BEST3: variants seen among roughly 807,000 people sequenced by gnomAD.
The protein encoded by BEST3 is bestrophin 3, also known as bestrophin-3.
A neutral mutation model predicts 47.1 loss-of-function variants in BEST3; 50 were observed. The observed-to-expected ratio is 1.06, with a 90% CI of 0.85 to 1.34. BEST3 has a LOEUF of 1.34. Among genes scored for constraint, BEST3 ranks in the 40% most tolerant of loss-of-function variants. The probability of loss-of-function intolerance (pLI) is 0.00; values close to 1 mark genes in which losing one functional copy is unlikely to be tolerated. For missense variants in BEST3, 765 were observed against 817.0 expected, an observed-to-expected ratio of 0.94 and a Z score of 0.78; for synonymous variants, 282 against 298.8, an observed-to-expected ratio of 0.94 and a Z score of 0.58.
intron 9 of BEST3, among the ~76,000 whole-genome samples, chr12:69,667,380 C>T (rs1415164225): frequency 6.6e-6 from 1 of 152,114 alleles, no homozygotes; most frequent in Non-Finnish European, 1.5e-5. Context: ...CTGCAACCTC[C>T]TCTGCCTCCT....
intron 5 of BEST3, 35 bp downstream of exon 5, chr12:69,678,704 T>C (rs1565834978): frequency 6.2e-7 from 1 of 1,602,136 alleles, no homozygotes; most frequent in Non-Finnish European, 8.5e-7. Context: ...GGTCTCTAAT[T>C]AGCGTATTTT....
rs766853276 is a variant in BEST3 at position 69,654,955 on chromosome 12, T to C, written c.1959A>G (p.Glu653=). 9 of 1,613,956 alleles carry C rather than the reference T, an allele frequency of 5.6e-6. No individual in the cohort carries two copies. Among genetic ancestry groups the C allele is most frequent in the Admixed American group, 3.3e-5 (2 of 59,978 alleles). ...CCTTGTTCAGCTCTATGATATCTGT[T>C]TCCTTGGTGTCCAGGTTTTCCATTA... The part of the protein sequence containing the change: ...LYLMENLDTK[E]TDIIELNKET... Residue 653 remains glutamate, a synonymous_variant, in exon 10 of 10, where the codon GAA becomes GAG. Transcript: ENST00000330891.
At position 69,699,254 on chromosome 12, in the gene BEST3, C is replaced by T. The variant is rs1886235362; in HGVS notation, c.-65G>A. ...GACAGGAAAGAGAATCTTCAAATTT[C>T]GGGCTCCCCCGAAGAGGTGCCTTCA... On this transcript the variant is annotated 5_prime_UTR_variant, in exon 1 of 10. Coordinates refer to ENST00000330891, the MANE Select transcript of BEST3 (RefSeq NM_032735.3). 5 of 985,308 alleles carry T rather than the reference C, an allele frequency of 5.1e-6. No homozygotes were observed. Among genetic ancestry groups the T allele is most frequent in the African/African-American group, 1.7e-5 (1 of 57,230 alleles). 61.0% of individuals were successfully genotyped at this position (985,308 alleles called of 1,614,324 possible).
chr12:69,656,880 A>G (rs1883535925), intron 9 of BEST3, among the ~76,000 whole-genome samples: 1 of 152,120 alleles, frequency 6.6e-6, no homozygotes, highest in Non-Finnish European at 1.5e-5. Context: ...GGTAATTTGT[A>G]AACATTCCTG....
intron 5 of BEST3, among the ~76,000 whole-genome samples, chr12:69,678,086 G>T (rs1310696540): frequency 6.6e-6 from 1 of 152,092 alleles, no homozygotes; most frequent in Non-Finnish European, 1.5e-5. Context: ...AGGAGTCTTT[G>T]ATTTTTTTCA....
At chr12:69,674,315 C>T (rs1242563966) in intron 7 of BEST3, among the ~76,000 whole-genome samples, 10 of 152,072 alleles carry the variant, frequency 6.6e-5, no homozygotes, top group African/African-American at 4.8e-5. Context: ...TAAAATCACC[C>T]GAGGAGCTCT....
chr12:69,664,251 T>C (rs541393673), intron 9 of BEST3, among the ~76,000 whole-genome samples: 1 of 152,336 alleles, frequency 6.6e-6, no homozygotes, highest in Admixed American at 6.5e-5. Context: ...AGCTCTTTGG[T>C]CCCAGATTAG....
intron 3 of BEST3, 63 bp from the exon 4 acceptor site, chr12:69,693,970 C>A: frequency 8.1e-7 from 1 of 1,239,562 alleles, no homozygotes; most frequent in South Asian, 1.4e-5. Flanking sequence ...GACACTGATG[C>A]TTTTAGCTGA....
intron 3 of BEST3, 185 bp downstream of exon 3, chr12:69,694,185 C>A: frequency 1.7e-6 from 1 of 574,698 alleles, no homozygotes; most frequent in Non-Finnish European, 3.1e-6. Flanking sequence ...TTTCCTCAAA[C>A]TTGTTTGGTG....
chr12:69,690,475 C>T (rs1401071119), intron 4 of BEST3, among the ~76,000 whole-genome samples: 2 of 152,230 alleles, frequency 1.3e-5, no homozygotes, highest in Non-Finnish European at 2.9e-5. Context: ...ACAGCTCAGT[C>T]CTCGGAGCTC....
intron 9 of BEST3, among the ~76,000 whole-genome samples, chr12:69,665,820 T>C (rs988812058): frequency 3.9e-5 from 6 of 152,098 alleles, no homozygotes; most frequent in East Asian, 3.9e-4. Flanking sequence ...TGAGGAATTA[T>C]ATGCGTTTTG....
Position 69,655,242 on chromosome 12 carries a change from G to C in BEST3, c.1672C>G (p.Pro558Ala). 1.2e-6 allele frequency: 2 copies of C among 1,614,150 alleles called. No homozygotes were observed. The highest frequency in any genetic ancestry group is 1.7e-6 in the Non-Finnish European group (2 of 1,180,020). The change falls in exon 10 of 10, where the codon CCT (proline) becomes GCT (alanine). Residue 558 changes from proline to alanine, a missense_variant. Physicochemically the swap from Pro to Ala is conservative, Grantham distance 27. Coordinates refer to ENST00000330891, the MANE Select transcript of BEST3 (RefSeq NM_032735.3). ...GTCTGGGGACTGGGGCCTCCAGGAG[G>C]TGTCTCCTTCTCTGAGGGAGACAGG... The part of the protein sequence containing the change: ...SILSPSEKET[P>A]PGGPSPQTVS...
In BEST3 at chr12:69,654,726, G is replaced by A; in HGVS notation, c.*181C>T. 7.4e-7 allele frequency: 1 copy of A among 1,349,044 alleles called. No homozygotes were observed. Among genetic ancestry groups the A allele is most frequent in the Non-Finnish European group, 9.5e-7 (1 of 1,051,996 alleles). The allele number at this position is 1,349,044 out of a possible 1,614,324, so 83.6% of individuals were successfully genotyped here. A position where few individuals can be genotyped will look rare whatever the true frequency, so the allele number is the denominator to read the frequency against. ...TGTGTTGGATGACGTGAATGCGTTT[G>A]ATTTTTCGCAGCTCTCAAAAAGTCA... is the stretch of plus-strand genomic sequence containing the variant. On this transcript the variant is annotated 3_prime_UTR_variant, in exon 10 of 10. Transcript: ENST00000330891.
At chr12:69,668,145 G>A (rs905321948) in intron 9 of BEST3, among the ~76,000 whole-genome samples, 3 of 152,160 alleles carry the variant, frequency 2.0e-5, no homozygotes, top group Non-Finnish European at 4.4e-5. Context: ...GGTGGCCCTT[G>A]GAGAGTAGTA....
chr12:69,647,538 C>A (rs895475389), intron 9 of BEST3, among the ~76,000 whole-genome samples: 14 of 152,028 alleles, frequency 9.2e-5, no homozygotes, highest in African/African-American at 3.4e-4. Flanking sequence ...ACCAGTGTAT[C>A]TAATTTGCAA....
At chr12:69,690,355 A>C (rs962899633) in intron 4 of BEST3, among the ~76,000 whole-genome samples, 7 of 152,240 alleles carry the variant, frequency 4.6e-5, no homozygotes, top group Non-Finnish European at 8.8e-5. Context: ...CATCTGTACA[A>C]TTTTGAGAGG....
Position 69,654,843 on chromosome 12 carries a change from T to G in BEST3, c.*64A>C, listed in dbSNP as rs1020937340. The stretch of plus-strand genomic sequence containing the variant: ...CCAGCCTTCAGGTATGTCCTGGGCC[T>G]AATATGCTGCTTTTGGGGAGGTAAG... On this transcript the variant is annotated 3_prime_UTR_variant, in exon 10 of 10. Coordinates refer to ENST00000330891, the MANE Select transcript of BEST3 (RefSeq NM_032735.3). 2 of 1,548,378 alleles carry G rather than the reference T, an allele frequency of 1.3e-6. No individual in the cohort carries two copies. Among genetic ancestry groups the G allele is most frequent in the African/African-American group, 2.8e-5 (2 of 72,606 alleles).
intron 3 of BEST3, 82 bp from the exon 4 acceptor site, chr12:69,693,989 C>T: frequency 9.1e-7 from 1 of 1,099,722 alleles, no homozygotes; most frequent in Non-Finnish European, 1.3e-6. Context: ...GAATTTTAGC[C>T]TTTTTAGAGG....
chr12:69,673,980 G>C (rs1467999377), intron 7 of BEST3, among the ~76,000 whole-genome samples: 1 of 152,012 alleles, frequency 6.6e-6, no homozygotes, highest in Non-Finnish European at 1.5e-5. Context: ...TTGATGAGAG[G>C]TTTATGTATA....
Sources: allele counts gnomAD v4.1 joint callset (sites outside exome capture counted in the v4.1 genomes callset), GRCh38; gene constraint gnomAD v4.1.1; transcripts MANE v1.5; gene names NCBI Gene and HGNC (gene_info 2026-07-23, HGNC 2026-07-21).